Variants in RNF17 observed in about 807,000 individuals in gnomAD.
RNF17 encodes the protein ring finger protein 17.
Under a neutral mutation model 200.5 loss-of-function variants are expected in RNF17, and 31 were observed. The ratio of observed to expected loss-of-function variants is 0.15; its 90% confidence interval spans 0.12 to 0.21. The LOEUF is 0.21. Among genes scored for constraint, RNF17 ranks in the 10% least tolerant of loss-of-function variants. RNF17 has a pLI of 1.00. For synonymous variants in RNF17, 606 were observed against 637.8 expected, an observed-to-expected ratio of 0.95 and a Z score of 0.75; for missense variants, 1,628 against 1,905.1, an observed-to-expected ratio of 0.85 and a Z score of 2.71.
At chr13:24,803,684 A>G (rs941237982) in intron 14 of RNF17, 1 of 152,332 alleles carries the variant, frequency 6.6e-6, no homozygotes, top group Admixed American at 6.5e-5. Flanking sequence ...GTTCCATTCT[A>G]GAAAAATACA....
Position 24,764,325 on chromosome 13 carries a change from G to A in RNF17, c.122G>A (p.Arg41Lys), listed in dbSNP as rs756534966. The A allele has an allele frequency of 2.5e-6, 4 of 1,602,366 alleles. No homozygotes were observed. The highest frequency in any genetic ancestry group is 2.2e-5 in the East Asian group (1 of 44,500). Residue 41 changes from arginine to lysine, a missense_variant, in exon 1 of 36, where the codon AGA (arginine) becomes AAA (lysine). This residue lies in a region of RNF17 where 502 missense variants were observed against 501.7 expected (regional missense o/e 1.00). Coordinates refer to ENST00000255324, the MANE Select transcript of RNF17 (RefSeq NM_031277.3). ...ACCAGGTGTGGAAGGAGGGTATCCA[G>A]ATCATCCGGTGAGGAGCCCAAGGGC... ...QCTRCGRRVSRSSGHHCELQC... is the reference protein window; with the variant it reads ...QCTRCGRRVSKSSGHHCELQC...
At chr13:24,862,879 A>G in intron 28 of RNF17, 86 bp downstream of exon 28, 1 of 812,240 alleles carries the variant, frequency 1.2e-6, no homozygotes, top group East Asian at 2.8e-5. Flanking sequence ...TTTGATGATA[A>G]GCAATGGTAT....
chr13:24,798,179 A>G (rs1326504807), intron 11 of RNF17, among the ~76,000 whole-genome samples: 1 of 152,194 alleles, frequency 6.6e-6, no homozygotes, highest in African/African-American at 2.4e-5. Context: ...TGGGGTCTTT[A>G]TAAGTTTGAT....
chr13:24,767,039 A>T (rs898412563), intron 1 of RNF17, among the ~76,000 whole-genome samples: 5 of 152,156 alleles, frequency 3.3e-5, no homozygotes, highest in African/African-American at 1.2e-4. Flanking sequence ...ACATTAACAC[A>T]CTGTGGGCAG....
chr13:24,875,466 A>G (rs1298938886), intron 33 of RNF17, among the ~76,000 whole-genome samples: 3 of 152,204 alleles, frequency 2.0e-5, no homozygotes, highest in Admixed American at 1.3e-4. Flanking sequence ...AGGACTGACA[A>G]CAGCAGAAAT....
At chr13:24,794,259 G>A (rs199523282) in intron 10 of RNF17, 2 of 455,864 alleles carry the variant, frequency 4.4e-6, no homozygotes, top group East Asian at 7.0e-5. Context: ...TGTAACAACT[G>A]TCTGAGCTTG....
chr13:24,846,580 G>A lies in RNF17; in HGVS notation c.3101+1501G>A, dbSNP rs78995894. Among the ~76,000 whole-genome samples the A allele has an allele frequency of 9.4e-3, 1,427 of 152,272 alleles. 27 individuals carry two copies. Among genetic ancestry groups the A allele is most frequent in the African/African-American group, 0.033 (1,370 of 41,538 alleles). ...ACCACAGTTATCCAAATCACTTGGGGTAGCTTGTAGTTCTAGACCAGGGTA... is the reference window on the plus strand; with the variant it reads ...ACCACAGTTATCCAAATCACTTGGGATAGCTTGTAGTTCTAGACCAGGGTA... On this transcript the variant is annotated intron_variant, in intron 22 of 35. Coordinates refer to ENST00000255324, the MANE Select transcript of RNF17 (RefSeq NM_031277.3).
intron 15 of RNF17, among the ~76,000 whole-genome samples, chr13:24,812,227 G>A (rs1404888631): frequency 2.6e-5 from 4 of 151,332 alleles, no homozygotes; most frequent in South Asian, 2.1e-4. Flanking sequence ...AATGGCGGGC[G>A]CCCCTCCCCC....
chr13:24,812,775 G>A lies in RNF17; in HGVS notation c.2091+8346G>A, dbSNP rs376637306. On this transcript the variant is annotated intron_variant, in intron 15 of 35. Coordinates refer to ENST00000255324, the MANE Select transcript of RNF17 (RefSeq NM_031277.3). Reference sequence around the variant, plus strand: ...TGGCTCACTGCAAGCTCTGCCTCCTGGGTTCACGCCATTCTCATGCCTCAG... The same window carrying A: ...TGGCTCACTGCAAGCTCTGCCTCCTAGGTTCACGCCATTCTCATGCCTCAG... 7.4e-3 allele frequency among the ~76,000 whole-genome samples: 1,111 copies of A among 149,944 alleles called. 15 individuals are homozygous for A. The highest frequency in any genetic ancestry group is 0.025 in the African/African-American group (1,028 of 40,766).
the RNF17 span, among the ~76,000 whole-genome samples, chr13:24,886,972 C>T: frequency 3.9e-5 from 6 of 152,194 alleles, no homozygotes; most frequent in Admixed American, 1.3e-4. Context: ...TAGACAGGCT[C>T]CAGGTGCAAG....
chr13:24,812,669 T>TC lies in RNF17; in HGVS notation c.2091+8244dup, dbSNP rs1270321569. On this transcript the variant is annotated intron_variant, in intron 15 of 35. Transcript: ENST00000255324. The stretch of plus-strand genomic sequence containing the variant: ...TATTCAGCCATCTTGGCTCCTCCCC[T>TC]CCCCGCCCCACCCCCTTTTTTTTTT... Among the ~76,000 whole-genome samples, 129 of 20,928 alleles carry TC rather than the reference T, an allele frequency of 6.2e-3. 2 individuals are homozygous for TC. Among genetic ancestry groups the TC allele is most frequent in the South Asian group, 0.011 (3 of 284 alleles). 13.7% of individuals were successfully genotyped at this position (20,928 alleles called of 152,430 possible).
chr13:24,797,393 T>G (rs1280137189), intron 11 of RNF17, among the ~76,000 whole-genome samples: 1 of 152,228 alleles, frequency 6.6e-6, no homozygotes, highest in Non-Finnish European at 1.5e-5. Flanking sequence ...TTCCTGCCTC[T>G]GTACTTCATC....
intron 13 of RNF17, among the ~76,000 whole-genome samples, chr13:24,801,422 C>T (rs1014654414): frequency 3.3e-5 from 5 of 152,066 alleles, no homozygotes; most frequent in African/African-American, 7.2e-5. Flanking sequence ...ATGGGAGGAC[C>T]GCTTCGGCTC....
chr13:24,857,787 A>C (rs752997876), intron 25 of RNF17, among the ~76,000 whole-genome samples: 7 of 152,098 alleles, frequency 4.6e-5, no homozygotes, highest in Admixed American at 6.5e-5. Context: ...GGTCTCAGCT[A>C]CTCAGGAAAC....
intron 25 of RNF17, among the ~76,000 whole-genome samples, chr13:24,854,794 AT>A (rs1469118162): frequency 2.6e-5 from 4 of 152,202 alleles, no homozygotes; most frequent in Non-Finnish European, 4.4e-5. Flanking sequence ...GTTCAAATGA[AT>A]TTTTTGAAGT....
chr13:24,758,245 C>G, the RNF17 span, among the ~76,000 whole-genome samples: 4 of 152,284 alleles, frequency 2.6e-5, no homozygotes, highest in Admixed American at 2.6e-4. Flanking sequence ...TTCTTTGTCC[C>G]TTTCCATCTG....
intron 33 of RNF17, among the ~76,000 whole-genome samples, chr13:24,876,318 A>C (rs1333192157): frequency 6.6e-6 from 1 of 152,138 alleles, no homozygotes; most frequent in Non-Finnish European, 1.5e-5. Flanking sequence ...CATCTTATTT[A>C]TCCCTTCCCT....
At chr13:24,756,695 T>C in the RNF17 span, among the ~76,000 whole-genome samples, 1 of 152,178 alleles carries the variant, frequency 6.6e-6, no homozygotes, top group Non-Finnish European at 1.5e-5. Context: ...AGTACAGAGC[T>C]TACCTTTTAT....
the RNF17 span, chr13:24,885,494 G>A: frequency 5.9e-6 from 7 of 1,182,928 alleles, no homozygotes; most frequent in Non-Finnish European, 8.9e-6. Flanking sequence ...CATTTATAAT[G>A]TTAAGTAAAA....
Sources: allele counts gnomAD v4.1 joint callset (sites outside exome capture counted in the v4.1 genomes callset), GRCh38; gene constraint gnomAD v4.1.1; regional missense constraint gnomAD v4.1.1; transcripts MANE v1.5; gene names NCBI Gene and HGNC (gene_info 2026-07-23, HGNC 2026-07-21).